Variants in SHROOM3 observed in about 807,000 individuals in gnomAD.
SHROOM3 encodes the protein shroom family member 3, also known as protein Shroom3.
In SHROOM3, 47 loss-of-function variants were observed where a neutral mutation model predicts 138.6. The observed-to-expected ratio is 0.34, with a 90% confidence interval of 0.27 to 0.43. SHROOM3 has a LOEUF of 0.43. Ranked by LOEUF, SHROOM3 falls within the 20% of genes least tolerant of loss-of-function variation. The pLI is 1.00. For synonymous variants in SHROOM3, 1,062 were observed against 1,063.3 expected (o/e 1.00, Z 0.02); for missense variants, 2,491 against 2,596.5 (o/e 0.96, Z 0.88).
intron 1 of SHROOM3, among the ~76,000 whole-genome samples, chr4:76,493,113 C>T (rs547617754): frequency 2.0e-5 from 3 of 149,550 alleles, no homozygotes; most frequent in African/African-American, 2.5e-5. Context: ...CTCAGCTACT[C>T]GGGAGGCTGA....
intron 10 of SHROOM3, among the ~76,000 whole-genome samples, chr4:76,775,773 CATACACATAT>C (rs940602947): frequency 3.3e-5 from 5 of 150,950 alleles, no homozygotes; most frequent in South Asian, 2.1e-4. Flanking sequence ...TATATGTGTA[CATACACATAT>C]ATACACATAT....
At position 76,658,670 on chromosome 4, in the gene SHROOM3, ATGTGTGTGTGTGTT is replaced by A. The variant is rs372853304; in HGVS notation, c.324-51473_324-51460del. 1.7e-3 allele frequency among the ~76,000 whole-genome samples: 259 copies of A among 151,896 alleles called. 1 individual carries two copies. Among genetic ancestry groups the A allele is most frequent in the Admixed American group, 7.2e-3 (110 of 15,246 alleles). ...CTTCCAAACCCCCTCCCATGTGTGT[ATGTGTGTGTGTGTT>A]TGTGTGTGTGTGCACATGCCCGCAT... On this transcript the variant is annotated intron_variant, in intron 2 of 10. Transcript: ENST00000296043.
intron 1 of SHROOM3, among the ~76,000 whole-genome samples, chr4:76,518,766 C>T (rs1040495403): frequency 4.6e-5 from 7 of 152,162 alleles, no homozygotes; most frequent in Non-Finnish European, 8.8e-5. Flanking sequence ...AACATAAATA[C>T]TGATACAGGT....
At chr4:76,776,093 G>A (rs1186454639) in intron 10 of SHROOM3, among the ~76,000 whole-genome samples, 1 of 152,084 alleles carries the variant, frequency 6.6e-6, no homozygotes, top group Admixed American at 6.5e-5. Flanking sequence ...ATCCCCACCA[G>A]CAATGTAAAA....
chr4:76,756,380 T>C, intron 7 of SHROOM3, 69 bp from the exon 8 acceptor site: 1 of 1,532,298 alleles, frequency 6.5e-7, no homozygotes, highest in Non-Finnish European at 8.8e-7. Flanking sequence ...CCTCTTATCA[T>C]CACCCTTCTC....
intron 2 of SHROOM3, among the ~76,000 whole-genome samples, chr4:76,622,521 G>C (rs1232125811): frequency 6.6e-6 from 1 of 151,786 alleles, no homozygotes; most frequent in African/African-American, 2.4e-5. Context: ...GTTTCCATTT[G>C]ATTTTCAGTT....
chr4:76,558,503 G>A (rs1577884500), intron 2 of SHROOM3, among the ~76,000 whole-genome samples: 1 of 152,124 alleles, frequency 6.6e-6, no homozygotes, highest in East Asian at 1.9e-4. Context: ...TGGTTATCTG[G>A]AGGCCCCCCC....
chr4:76,684,055 T>C (rs1281034207), intron 2 of SHROOM3, among the ~76,000 whole-genome samples: 1 of 152,238 alleles, frequency 6.6e-6, no homozygotes, highest in Non-Finnish European at 1.5e-5. Context: ...CACTAGATAA[T>C]GTGGACATCT....
intron 1 of SHROOM3, among the ~76,000 whole-genome samples, chr4:76,545,134 G>A (rs1733185871): frequency 6.6e-6 from 1 of 151,092 alleles, no homozygotes; most frequent in South Asian, 2.1e-4. Context: ...AGTTGCCTCA[G>A]ATCTTTTCTA....
At chr4:76,738,509 C>T (rs1721144722) in intron 4 of SHROOM3, among the ~76,000 whole-genome samples, 1 of 152,180 alleles carries the variant, frequency 6.6e-6, no homozygotes, top group Non-Finnish European at 1.5e-5. Context: ...ACGTGGCTTC[C>T]TCTGAGCTCC....
intron 2 of SHROOM3, among the ~76,000 whole-genome samples, chr4:76,597,547 G>A (rs1183257782): frequency 6.6e-6 from 1 of 152,142 alleles, no homozygotes; most frequent in Non-Finnish European, 1.5e-5. Context: ...CCACCCTCCA[G>A]CTGGATGGCT....
intron 1 of SHROOM3, among the ~76,000 whole-genome samples, chr4:76,462,648 G>C (rs72864633): frequency 0.074 from 11,276 of 151,794 alleles, 470 homozygotes; most frequent in African/African-American, 0.11. Flanking sequence ...GTTTGAAAGT[G>C]TAGCACTTCC....
At chr4:76,576,833 G>A (rs528278259) in intron 2 of SHROOM3, among the ~76,000 whole-genome samples, 4 of 151,166 alleles carry the variant, frequency 2.6e-5, no homozygotes, top group Non-Finnish European at 4.4e-5. Context: ...TGGGTAAGAT[G>A]GTAAATTTTG....
intron 2 of SHROOM3, among the ~76,000 whole-genome samples, chr4:76,585,543 C>G (rs976066016): frequency 6.6e-6 from 1 of 152,148 alleles, no homozygotes; most frequent in Non-Finnish European, 1.5e-5. Context: ...TTCAGGGCCT[C>G]AGATGATAGA....
intron 1 of SHROOM3, among the ~76,000 whole-genome samples, chr4:76,442,674 G>T (rs992899015): frequency 2.6e-5 from 4 of 151,962 alleles, no homozygotes; most frequent in Non-Finnish European, 4.4e-5. Context: ...CTCCCAAAGT[G>T]CTGGGATTAC....
chr4:76,760,601 C>T (rs1352955924), intron 9 of SHROOM3, among the ~76,000 whole-genome samples: 2 of 152,160 alleles, frequency 1.3e-5, no homozygotes, highest in East Asian at 3.8e-4. Context: ...GGAATGAAAC[C>T]ACAGGATATA....
intron 1 of SHROOM3, among the ~76,000 whole-genome samples, chr4:76,491,771 G>A (rs1345031138): frequency 1.3e-5 from 2 of 152,178 alleles, no homozygotes; most frequent in Non-Finnish European, 2.9e-5. Flanking sequence ...TTTTAGATGA[G>A]TTATTTTGTG....
At chr4:76,747,207 T>C (rs1721468142) in intron 5 of SHROOM3, among the ~76,000 whole-genome samples, 1 of 152,236 alleles carries the variant, frequency 6.6e-6, no homozygotes, top group African/African-American at 2.4e-5. Flanking sequence ...CTTAACAAGT[T>C]GGTATAATTC....
intron 2 of SHROOM3, among the ~76,000 whole-genome samples, chr4:76,662,857 G>A (rs1718573834): frequency 6.6e-6 from 1 of 152,106 alleles, no homozygotes; most frequent in East Asian, 1.9e-4. Context: ...GCTCCAGCCT[G>A]GGCAACAAAG....
Sources: allele counts gnomAD v4.1 joint callset (sites outside exome capture counted in the v4.1 genomes callset), GRCh38; gene constraint gnomAD v4.1.1; transcripts MANE v1.5; gene names NCBI Gene and HGNC (gene_info 2026-07-23, HGNC 2026-07-21).